SLC7A5: variants seen among roughly 807,000 people sequenced by gnomAD.
SLC7A5 encodes the protein large neutral amino acids transporter small subunit 1.
Under a neutral mutation model 50.2 loss-of-function variants are expected in SLC7A5, and 23 were observed. The ratio of observed to expected loss-of-function variants is 0.46; its 90% CI spans 0.33 to 0.65. The LOEUF is 0.65. Ranked by LOEUF, SLC7A5 falls within the 30% of genes least tolerant of loss-of-function variation. SLC7A5 has a pLI of 0.02. For missense variants in SLC7A5, 578 were observed against 684.4 expected (o/e 0.84, Z 1.73); for synonymous variants, 393 against 330.6 (o/e 1.19, Z -2.05).
In SLC7A5 at chr16:87,841,314, G is replaced by A. The variant is rs1430465179; in HGVS notation, c.665-159C>T. 6.6e-6 allele frequency among the ~76,000 whole-genome samples: 1 copy of A among 152,194 alleles called. No individual in the cohort carries two copies. Among genetic ancestry groups the A allele is most frequent in the African/African-American group, 2.4e-5 (1 of 41,456 alleles). On this transcript the variant is annotated intron_variant, in intron 2 of 9. Transcript: ENST00000261622. This position sits in a 1 kb window ranked among gnomAD's most constrained non-coding sequence, Gnocchi z 4.8. ...ATGGTATGTACCTGCTGAGCCACAT[G>A]GAGGGTGCAGGGTTCCAACCACAAC...
Position 87,849,636 on chromosome 16 carries a change from G to A in SLC7A5, c.664+2088C>T, listed in dbSNP as rs899442066. 3.9e-4 allele frequency among the ~76,000 whole-genome samples: 59 copies of A among 152,094 alleles called. 2 individuals carry two copies. Among genetic ancestry groups the A allele is most frequent in the African/African-American group, 2.7e-4 (11 of 41,406 alleles). ...CACAGGATGGATTTGTCTCCTGCCC[G>A]TAAAATGTCACTCAGGCCCAACCAC... On this transcript the variant is annotated intron_variant, in intron 2 of 9. Transcript: ENST00000261622.
In SLC7A5 at chr16:87,860,861, C is replaced by G. The variant is rs974094430; in HGVS notation, c.538+8024G>C. On this transcript the variant is annotated intron_variant, in intron 1 of 9. Coordinates refer to ENST00000261622, the MANE Select transcript of SLC7A5 (RefSeq NM_003486.7). The surrounding 1 kb of genome is among the most constrained non-coding windows in gnomAD (Gnocchi z 4.8). ...GGGAGGGGCGGGCAATGCCAGAGAA[C>G]GGTCCCCACCTGGGGTGGTCTGACG... is the stretch of plus-strand genomic sequence containing the variant. 6.6e-6 allele frequency among the ~76,000 whole-genome samples: 1 copy of G among 152,300 alleles called. No homozygotes were observed. The highest frequency in any genetic ancestry group is 2.1e-4 in the South Asian group (1 of 4,824).
rs1171632697 is a variant in SLC7A5, at chr16:87,862,221, G to T, written c.538+6664C>A. ...ACAGGTGCTGGATACCCCAGCGGTT[G>T]GGGGGGTGGTGCTGGACACCCAGGG... On this transcript the variant is annotated intron_variant, in intron 1 of 9. Transcript: ENST00000261622. The surrounding 1 kb of genome is among the most constrained non-coding windows in gnomAD (Gnocchi z 5.3). Among the ~76,000 whole-genome samples, 1 of 152,084 alleles carries T rather than the reference G, an allele frequency of 6.6e-6. No homozygotes were observed. The highest frequency in any genetic ancestry group is 1.9e-4 in the East Asian group (1 of 5,196).
chr16:87,838,642 G>T, intron 6 of SLC7A5, 72 bp downstream of exon 6: 1 of 1,149,216 alleles, frequency 8.7e-7, no homozygotes. Flanking sequence ...ACCTTTTACA[G>T]ACATGGAACA....
At chr16:87,843,308 G>T (rs989973532) in intron 2 of SLC7A5, among the ~76,000 whole-genome samples, 8 of 142,624 alleles carry the variant, frequency 5.6e-5, no homozygotes, top group African/African-American at 2.0e-4. Context: ...GAGGTCTTCA[G>T]TCAGGAGCCA....
At chr16:87,836,888 G>T in intron 7 of SLC7A5, 1 of 540,628 alleles carries the variant, frequency 1.8e-6, no homozygotes, top group Admixed American at 3.0e-5. Flanking sequence ...GAGGAGGGAA[G>T]GAGGGAGGAG....
In SLC7A5 at chr16:87,869,396, G is replaced by A; in HGVS notation, c.27C>T (p.Arg9=). The change falls in exon 1 of 10, where the codon CGC becomes CGT. Residue 9 remains arginine (R), a synonymous_variant. Coordinates refer to ENST00000261622, the MANE Select transcript of SLC7A5 (RefSeq NM_003486.7). ...CCTCGGCCGCCGGCGCCGCTAGCGC[G>A]CGCCGCTTCGGGCCCGCACCCGCCA... is the stretch of plus-strand genomic sequence containing the variant. The part of the protein sequence containing the change: MAGAGPKR[R]ALAAPAAEEK... The A allele has an allele frequency of 6.5e-7, 1 of 1,536,450 alleles. No individual in the cohort carries two copies. The highest frequency in any genetic ancestry group is 2.0e-5 in the Admixed American group (1 of 51,264).
chr16:87,838,798 A>G lies in SLC7A5; in HGVS notation c.959T>C (p.Leu320Pro). The change falls in exon 6 of 10, where the codon CTG becomes CCG. Residue 320 changes from leucine to proline, a missense_variant. By Grantham distance (98) the Leu-to-Pro change is moderately conservative (BLOSUM62 -3). Coordinates refer to ENST00000261622, the MANE Select transcript of SLC7A5 (RefSeq NM_003486.7). The stretch of plus-strand genomic sequence containing the variant: ...GGGGATGATCCAGGACATGACGCCC[A>G]GGTGATAGTTCCCGAAGTCCTAGGC... ...AVAVDFGNYH[L>P]GVMSWIIPVF... is the part of the protein sequence containing the mutation. The G allele has an allele frequency of 6.2e-7, 1 of 1,613,984 alleles. No homozygotes were observed.
At chr16:87,854,189 T>C (rs982056058) in intron 1 of SLC7A5, among the ~76,000 whole-genome samples, 58 of 151,306 alleles carry the variant, frequency 3.8e-4, no homozygotes, top group African/African-American at 1.2e-3. Flanking sequence ...CCAGATCATC[T>C]CCTGACGTTG....
chr16:87,868,556 G>C (rs928749855), intron 1 of SLC7A5, among the ~76,000 whole-genome samples: 24 of 152,236 alleles, frequency 1.6e-4, no homozygotes, highest in Non-Finnish European at 2.8e-4. Flanking sequence ...TGCCACGCAA[G>C]AGGCTGGGAG....
chr16:87,863,915 G>A (rs1305830547), intron 1 of SLC7A5, among the ~76,000 whole-genome samples: 1 of 147,462 alleles, frequency 6.8e-6, no homozygotes, highest in African/African-American at 2.5e-5. Flanking sequence ...AAGGAATAAG[G>A]GGGTAAAAGG....
At chr16:87,840,336 G>A in intron 4 of SLC7A5, 93 bp downstream of exon 4, 2 of 1,186,544 alleles carry the variant, frequency 1.7e-6, no homozygotes, top group Non-Finnish European at 2.5e-6. Context: ...GAACTGGCCT[G>A]AGCCGACCAA....
chr16:87,852,569 C>A lies in SLC7A5; in HGVS notation c.539-720G>T, dbSNP rs759536205. On this transcript the variant is annotated intron_variant, in intron 1 of 9. Transcript: ENST00000261622. The surrounding 1 kb of genome is among the most constrained non-coding windows in gnomAD (Gnocchi z 4.5). Reference sequence around the variant, plus strand: ...GGAGGCGCTGAGATGTGGGGTCAGGCACGCTCAGACAGGTCTCCAGACACC... The same window carrying A: ...GGAGGCGCTGAGATGTGGGGTCAGGAACGCTCAGACAGGTCTCCAGACACC... Among the ~76,000 whole-genome samples the A allele has an allele frequency of 6.6e-6, 1 of 152,032 alleles. No homozygotes were observed. Among genetic ancestry groups the A allele is most frequent in the African/African-American group, 2.4e-5 (1 of 41,374 alleles).
At position 87,833,874 on chromosome 16, in the gene SLC7A5, A is replaced by G. The variant is rs1286991234; in HGVS notation, c.1468+540T>C. 5.1e-4 allele frequency among the ~76,000 whole-genome samples: 69 copies of G among 135,330 alleles called. No homozygotes were observed. The highest frequency in any genetic ancestry group is 1.9e-3 in the African/African-American group (65 of 34,988). The allele number at this position is 135,330 out of a possible 152,430, so 88.8% of individuals were successfully genotyped here. On this transcript the variant is annotated intron_variant, in intron 9 of 9. Transcript: ENST00000261622. This position sits in a 1 kb window ranked among gnomAD's most constrained non-coding sequence, Gnocchi z 6.0. ...CCTTCTGCCTTTTTTTTTTTTTTTG[A>G]GAAGAGTCTCGCTCTGTCGCCCAGG...
intron 2 of SLC7A5, among the ~76,000 whole-genome samples, chr16:87,846,681 C>G (rs1002230520): frequency 2.2e-4 from 33 of 152,278 alleles, no homozygotes; most frequent in African/African-American, 7.7e-4. Flanking sequence ...GGTCCCTGGC[C>G]TGGCGGGGCC....
chr16:87,842,494 C>T (rs1246509994), intron 2 of SLC7A5, among the ~76,000 whole-genome samples: 1 of 152,258 alleles, frequency 6.6e-6, no homozygotes, highest in East Asian at 1.9e-4. Flanking sequence ...TCAAAGGTGG[C>T]ACCAGATTTC....
rs1017765634 is a variant in SLC7A5 at position 87,853,479 on chromosome 16, G to T, written c.539-1630C>A. On this transcript the variant is annotated intron_variant, in intron 1 of 9. Coordinates refer to ENST00000261622, the MANE Select transcript of SLC7A5 (RefSeq NM_003486.7). This position sits in a 1 kb window ranked among gnomAD's most constrained non-coding sequence, Gnocchi z 4.4. ...TCCACTCCTCACCCAAACTGAAGAGGTGATTCTTCACCTCTTCCCAGGGCT... is the reference window on the plus strand; with the variant it reads ...TCCACTCCTCACCCAAACTGAAGAGTTGATTCTTCACCTCTTCCCAGGGCT... 3.3e-5 allele frequency among the ~76,000 whole-genome samples: 5 copies of T among 152,106 alleles called. No homozygotes were observed. Among genetic ancestry groups the T allele is most frequent in the Non-Finnish European group, 7.3e-5 (5 of 68,028 alleles).
chr16:87,850,320 A>T (rs572223643), intron 2 of SLC7A5, among the ~76,000 whole-genome samples: 4 of 152,232 alleles, frequency 2.6e-5, no homozygotes, highest in African/African-American at 9.6e-5. Context: ...TTGTGTCTGC[A>T]TGTTTTGGCC....
chr16:87,847,650 C>T (rs4990615), intron 2 of SLC7A5, among the ~76,000 whole-genome samples: 16 of 152,196 alleles, frequency 1.1e-4, no homozygotes, highest in African/African-American at 2.2e-4. Context: ...TCCACCCGAA[C>T]GCACCTTGGG....
Sources: gnomAD v4.1 joint callset for allele counts (sites outside exome capture counted in the v4.1 genomes callset) on GRCh38, gnomAD v4.1.1 for gene constraint, Gnocchi (gnomAD v3.1) non-coding constraint, MANE v1.5 for transcripts, NCBI Gene and HGNC (gene_info 2026-07-23, HGNC 2026-07-21) for gene names.